Variants in CHSY3 observed in about 807,000 individuals in gnomAD.
CHSY3 encodes the protein chondroitin sulfate synthase 3.
A neutral mutation model predicts 67.2 loss-of-function variants in CHSY3; 35 were observed. The ratio of observed to expected loss-of-function variants is 0.52; its 90% CI spans 0.40 to 0.69. The LOEUF (loss-of-function observed/expected upper bound fraction) is 0.69, where lower values mean the gene tolerates loss of function less well. CHSY3 is among the 30% of genes least tolerant of loss of function. CHSY3 has a pLI of 0.00. For synonymous variants in CHSY3, 474 were observed against 434.7 expected (o/e 1.09, Z -1.12); for missense variants, 1,069 against 1,138.5 (o/e 0.94, Z 0.88).
At chr5:130,148,228 T>A (rs1051840076) in intron 2 of CHSY3, among the ~76,000 whole-genome samples, 1 of 152,210 alleles carries the variant, frequency 6.6e-6, no homozygotes, top group Non-Finnish European at 1.5e-5. Context: ...AAGTACATGA[T>A]CCCATTCTTT....
intron 2 of CHSY3, among the ~76,000 whole-genome samples, chr5:130,042,798 A>G (rs1422443273): frequency 1.3e-5 from 2 of 152,100 alleles, no homozygotes; most frequent in East Asian, 3.9e-4. Context: ...TTTGTTTCCA[A>G]CAGTACCCTA....
intron 2 of CHSY3, among the ~76,000 whole-genome samples, chr5:129,955,309 C>G (rs1353451951): frequency 2.0e-5 from 3 of 152,042 alleles, no homozygotes; most frequent in Non-Finnish European, 4.4e-5. Context: ...CCGTCTTGCC[C>G]AAGTTTGGGT....
chr5:129,911,150 T>A (rs1171670990), intron 2 of CHSY3, among the ~76,000 whole-genome samples: 1 of 151,656 alleles, frequency 6.6e-6, no homozygotes, highest in Non-Finnish European at 1.5e-5. Context: ...AAAAGAGAAT[T>A]GAAATAATTA....
chr5:129,999,962 C>T (rs544147089), intron 2 of CHSY3, among the ~76,000 whole-genome samples: 44 of 152,116 alleles, frequency 2.9e-4, no homozygotes, highest in African/African-American at 9.6e-4. Context: ...TATCTTCCCT[C>T]AGAAATAACC....
chr5:129,920,366 C>T (rs933599304), intron 2 of CHSY3, among the ~76,000 whole-genome samples: 1 of 152,228 alleles, frequency 6.6e-6, no homozygotes, highest in African/African-American at 2.4e-5. Flanking sequence ...CTGCCTCAGC[C>T]TCCTGAGTAG....
chr5:130,177,202 T>TAC (rs397767137), intron 2 of CHSY3, among the ~76,000 whole-genome samples: 19 of 150,030 alleles, frequency 1.3e-4, no homozygotes, highest in Non-Finnish European at 2.7e-4. Context: ...TATATATATA[T>TAC]GAGTGTGTGT....
At chr5:129,918,782 T>C (rs2149581260) in intron 2 of CHSY3, among the ~76,000 whole-genome samples, 1 of 149,318 alleles carries the variant, frequency 6.7e-6, no homozygotes, top group Admixed American at 6.8e-5. Flanking sequence ...GTTTAGATCA[T>C]ACATTGTAGA....
chr5:130,029,670 CT>C (rs1488179426), intron 2 of CHSY3, among the ~76,000 whole-genome samples: 1 of 151,930 alleles, frequency 6.6e-6, no homozygotes, highest in East Asian at 1.9e-4. Context: ...AGCTAGCCCT[CT>C]TTTTTTTAAA....
intron 2 of CHSY3, among the ~76,000 whole-genome samples, chr5:130,094,071 G>A (rs776071954): frequency 6.6e-6 from 1 of 152,114 alleles, no homozygotes; most frequent in African/African-American, 2.4e-5. Context: ...ACTCAGTAAA[G>A]GGGCTCGGTA....
At chr5:130,147,450 C>T (rs1274091013) in intron 2 of CHSY3, among the ~76,000 whole-genome samples, 1 of 152,072 alleles carries the variant, frequency 6.6e-6, no homozygotes. Flanking sequence ...GATTAAATGC[C>T]TGGCTTAACA....
At chr5:129,988,206 A>G (rs1165665676) in intron 2 of CHSY3, among the ~76,000 whole-genome samples, 1 of 152,210 alleles carries the variant, frequency 6.6e-6, no homozygotes, top group South Asian at 2.1e-4. Context: ...TGGATGAGTA[A>G]TGGCACCAGA....
intron 2 of CHSY3, among the ~76,000 whole-genome samples, chr5:129,994,206 C>T (rs904736682): frequency 1.3e-5 from 2 of 152,036 alleles, no homozygotes; most frequent in African/African-American, 4.8e-5. Flanking sequence ...TTGCTCTTCT[C>T]GAGGAGTGTC....
chr5:130,012,685 A>G (rs899606150), intron 2 of CHSY3, among the ~76,000 whole-genome samples: 3 of 152,070 alleles, frequency 2.0e-5, no homozygotes, highest in African/African-American at 7.2e-5. Flanking sequence ...GCCCCCACAA[A>G]CTAATCACTT....
chr5:130,005,777 A>T (rs909591170), intron 2 of CHSY3, among the ~76,000 whole-genome samples: 2 of 152,208 alleles, frequency 1.3e-5, no homozygotes, highest in Non-Finnish European at 2.9e-5. Context: ...GCAAATTTTG[A>T]ATGTCATTCT....
chr5:130,156,542 T>C (rs1580787144), intron 2 of CHSY3, among the ~76,000 whole-genome samples: 2 of 152,340 alleles, frequency 1.3e-5, no homozygotes, highest in South Asian at 4.1e-4. Context: ...AATGAAGGAC[T>C]ATAACAAGTC....
At chr5:129,998,066 A>G (rs1011249040) in intron 2 of CHSY3, among the ~76,000 whole-genome samples, 2 of 152,122 alleles carry the variant, frequency 1.3e-5, no homozygotes, top group African/African-American at 4.8e-5. Flanking sequence ...CTAGTTCTAG[A>G]TCCTTGAGGA....
intron 2 of CHSY3, among the ~76,000 whole-genome samples, chr5:130,161,054 A>C (rs1217141441): frequency 6.6e-6 from 1 of 151,312 alleles, no homozygotes; most frequent in Admixed American, 6.6e-5. Context: ...ACAGGCACCT[A>C]CCACCACGCC....
chr5:130,061,490 C>CCTAG (rs1302868842), intron 2 of CHSY3, among the ~76,000 whole-genome samples: 1 of 151,942 alleles, frequency 6.6e-6, no homozygotes, highest in Non-Finnish European at 1.5e-5. Flanking sequence ...TCGACATTGG[C>CCTAG]CTAGGCAAAG....
At chr5:130,108,052 T>A (rs1580739890) in intron 2 of CHSY3, among the ~76,000 whole-genome samples, 1 of 151,616 alleles carries the variant, frequency 6.6e-6, no homozygotes, top group East Asian at 1.9e-4. Flanking sequence ...TTGCTTATAA[T>A]TTACAAAGCA....
Sources: gnomAD v4.1 joint callset for allele counts (sites outside exome capture counted in the v4.1 genomes callset) on GRCh38, gnomAD v4.1.1 for gene constraint, MANE v1.5 for transcripts, NCBI Gene and HGNC (gene_info 2026-07-23, HGNC 2026-07-21) for gene names.